AGBL4: variants seen among roughly 807,000 people sequenced by gnomAD.
AGBL4 encodes AGBL carboxypeptidase 4.
A neutral mutation model predicts 66.4 loss-of-function variants in AGBL4; 58 were observed. That is an observed-to-expected ratio of 0.87 (90% confidence interval 0.71 to 1.09). The LOEUF is 1.09. AGBL4 is among the 50% of genes least tolerant of loss of function. The pLI is 0.00. For missense variants in AGBL4, 579 were observed against 631.0 expected (o/e 0.92, Z 0.88); for synonymous variants, 234 against 222.9 (o/e 1.05, Z -0.44).
At chr1:49,501,342 G>T (rs905837200) in intron 3 of AGBL4, among the ~76,000 whole-genome samples, 1 of 152,002 alleles carries the variant, frequency 6.6e-6, no homozygotes, top group South Asian at 2.1e-4. Flanking sequence ...TCTGGCTGGT[G>T]GTTATTGGAG....
chr1:49,956,728 G>A (rs762797294), intron 1 of AGBL4, among the ~76,000 whole-genome samples: 5 of 151,890 alleles, frequency 3.3e-5, no homozygotes, highest in Admixed American at 6.6e-5. Flanking sequence ...GAGCCCCAGA[G>A]TTTGGAATCC....
At chr1:49,296,533 AT>A (rs1437263301) in intron 3 of AGBL4, among the ~76,000 whole-genome samples, 1 of 152,168 alleles carries the variant, frequency 6.6e-6, no homozygotes, top group African/African-American at 2.4e-5. Flanking sequence ...TGTTAGGAGT[AT>A]GTCTAAATGA....
At chr1:48,806,357 G>C (rs1645923630) in intron 6 of AGBL4, among the ~76,000 whole-genome samples, 1 of 152,180 alleles carries the variant, frequency 6.6e-6, no homozygotes, top group African/African-American at 2.4e-5. Context: ...GCAGTGGTCT[G>C]TTCCCCTCAC....
chr1:49,930,407 C>A (rs191486202), intron 1 of AGBL4, among the ~76,000 whole-genome samples: 1 of 152,046 alleles, frequency 6.6e-6, no homozygotes, highest in Non-Finnish European at 1.5e-5. Context: ...CAACTCTACA[C>A]AAACTCTTTC....
Position 49,759,831 on chromosome 1 carries a change from G to A in AGBL4, c.158-62394C>T, listed in dbSNP as rs368735053. 2.8e-3 allele frequency among the ~76,000 whole-genome samples: 424 copies of A among 152,222 alleles called. 3 individuals carry two copies. Among genetic ancestry groups the A allele is most frequent in the South Asian group, 9.9e-3 (48 of 4,826 alleles). The stretch of plus-strand genomic sequence containing the variant: ...TACAACATAAATAAATCTCAAAACA[G>A]TCAGGCTGAGTGAAAGAAGCCAGGT... On this transcript the variant is annotated intron_variant, in intron 2 of 13. Coordinates refer to ENST00000371839, the MANE Select transcript of AGBL4 (RefSeq NM_032785.4).
chr1:48,603,723 G>C (rs899241733), intron 9 of AGBL4, among the ~76,000 whole-genome samples: 3 of 152,226 alleles, frequency 2.0e-5, no homozygotes, highest in Admixed American at 1.3e-4. Flanking sequence ...GTGGTCATAA[G>C]ACTCAAAGGC....
intron 6 of AGBL4, among the ~76,000 whole-genome samples, chr1:48,686,333 C>T (rs1411541219): frequency 6.6e-6 from 1 of 152,238 alleles, no homozygotes; most frequent in Non-Finnish European, 1.5e-5. Context: ...CTCTTTACCT[C>T]CCTCTCTAGA....
chr1:49,793,510 G>C (rs1644655198), intron 2 of AGBL4, among the ~76,000 whole-genome samples: 1 of 152,020 alleles, frequency 6.6e-6, no homozygotes, highest in Non-Finnish European at 1.5e-5. Context: ...AATTTAGATG[G>C]AGTGAATACC....
chr1:49,924,825 G>A (rs559110626), intron 1 of AGBL4, among the ~76,000 whole-genome samples: 4 of 152,098 alleles, frequency 2.6e-5, no homozygotes, highest in African/African-American at 7.2e-5. Flanking sequence ...TCCACCAATC[G>A]TCCTCCTCAT....
chr1:49,944,717 A>G (rs992673529), intron 1 of AGBL4, among the ~76,000 whole-genome samples: 1 of 152,050 alleles, frequency 6.6e-6, no homozygotes, highest in African/African-American at 2.4e-5. Context: ...GACATCCCTG[A>G]TTTACCTGAA....
At chr1:49,206,932 C>A (rs1570064421) in intron 4 of AGBL4, among the ~76,000 whole-genome samples, 2 of 143,728 alleles carry the variant, frequency 1.4e-5, no homozygotes, top group Admixed American at 6.9e-5. Flanking sequence ...AGGTAGGAAC[C>A]AGGTGGGCGG....
Position 49,670,491 on chromosome 1 carries a change from T to A in AGBL4, c.282+26822A>T, listed in dbSNP as rs1646455414. On this transcript the variant is annotated intron_variant, in intron 3 of 13. Coordinates refer to ENST00000371839, the MANE Select transcript of AGBL4 (RefSeq NM_032785.4). ...AATTGGGGCTATGACAGAACAGAAA[T>A]TTAAAGGGATCCTAGAAATGATGAG... Among the ~76,000 whole-genome samples, 4 of 152,050 alleles carry A rather than the reference T, an allele frequency of 2.6e-5. No individual in the cohort carries two copies. The South Asian group carries it at 8.3e-4, about 31-fold the overall frequency.
At chr1:49,053,803 G>A (rs768487058) in intron 4 of AGBL4, among the ~76,000 whole-genome samples, 15 of 151,976 alleles carry the variant, frequency 9.9e-5, no homozygotes, top group Admixed American at 5.2e-4. Flanking sequence ...CTCATGACAC[G>A]CAATAATAAA....
intron 11 of AGBL4, among the ~76,000 whole-genome samples, chr1:48,564,939 C>T (rs1038638730): frequency 1.3e-5 from 2 of 152,208 alleles, no homozygotes; most frequent in Non-Finnish European, 2.9e-5. Flanking sequence ...CTACTTTCAA[C>T]TCTTGCTATC....
intron 4 of AGBL4, among the ~76,000 whole-genome samples, chr1:49,064,457 T>C (rs1644457461): frequency 1.3e-5 from 2 of 152,230 alleles, no homozygotes. Context: ...TTGACCAGAT[T>C]GTTAGACTTA....
At chr1:49,307,202 A>T (rs1644863146) in intron 3 of AGBL4, among the ~76,000 whole-genome samples, 1 of 152,174 alleles carries the variant, frequency 6.6e-6, no homozygotes, top group Non-Finnish European at 1.5e-5. Flanking sequence ...CCTTTTCCAA[A>T]GGCTCACATA....
At position 49,641,781 on chromosome 1, in the gene AGBL4, CTTA is replaced by C. The variant is rs1645785828; in HGVS notation, c.282+55529_282+55531del. On this transcript the variant is annotated intron_variant, in intron 3 of 13. Transcript: ENST00000371839. ...TGATGATGCTATTATTGCTGCTGTA[CTTA>C]TTGTTACCATTTTTGATTACATGCT... 2.6e-5 allele frequency among the ~76,000 whole-genome samples: 4 copies of C among 152,040 alleles called. No homozygotes were observed. The South Asian group carries it at 8.3e-4, about 31-fold the overall frequency.
intron 9 of AGBL4, among the ~76,000 whole-genome samples, chr1:48,614,570 T>A (rs1184508969): frequency 1.3e-5 from 2 of 152,224 alleles, no homozygotes; most frequent in Admixed American, 6.5e-5. Context: ...GGCTCTCTTG[T>A]CGCTTTTCCA....
chr1:49,744,685 T>C (rs1650849693), intron 2 of AGBL4, among the ~76,000 whole-genome samples: 1 of 152,158 alleles, frequency 6.6e-6, no homozygotes, highest in African/African-American at 2.4e-5. Flanking sequence ...GTAACTTTTT[T>C]CTTCTGATTT....
Sources: allele counts gnomAD v4.1 joint callset (sites outside exome capture counted in the v4.1 genomes callset), GRCh38; gene constraint gnomAD v4.1.1; transcripts MANE v1.5; gene names NCBI Gene and HGNC (gene_info 2026-07-23, HGNC 2026-07-21).